ACBD5: variants seen among roughly 807,000 people sequenced by gnomAD.
ACBD5 encodes the protein acyl-CoA-binding domain-containing protein 5.
A neutral mutation model predicts 71.8 loss-of-function variants in ACBD5; 40 were observed. The observed-to-expected ratio is 0.56, with a 90% CI of 0.43 to 0.72. The LOEUF is 0.72. Among genes scored for constraint, ACBD5 ranks in the 30% least tolerant of loss-of-function variants. The pLI is 0.00. For missense variants in ACBD5, 559 were observed against 644.5 expected (o/e 0.87, Z 1.44); for synonymous variants, 229 against 218.6 (o/e 1.05, Z -0.42).
intron 3 of ACBD5, among the ~76,000 whole-genome samples, chr10:27,234,711 C>G (rs1250485007): frequency 6.6e-6 from 1 of 152,202 alleles, no homozygotes; most frequent in Non-Finnish European, 1.5e-5. Context: ...GTGGGCGGAC[C>G]ACCTGAACCC....
At chr10:27,214,801 T>C (rs2061450703) in intron 8 of ACBD5, among the ~76,000 whole-genome samples, 1 of 152,146 alleles carries the variant, frequency 6.6e-6, no homozygotes, top group Non-Finnish European at 1.5e-5. Flanking sequence ...ATCCCGGCAT[T>C]TTGGGAGGCT....
intron 4 of ACBD5, among the ~76,000 whole-genome samples, chr10:27,224,125 G>A (rs748082765): frequency 2.6e-4 from 39 of 151,634 alleles, no homozygotes; most frequent in East Asian, 2.5e-3. Context: ...CACTTTGGCA[G>A]GCCAAAGCAG....
Position 27,197,293 on chromosome 10 carries a change from T to C in ACBD5, c.*137A>G, listed in dbSNP as rs1411739840. ...AGTGCAAAATATATATGTGTATATA[T>C]GTACACAAACTAAACTACTGGACAA... On this transcript the variant is annotated 3_prime_UTR_variant, in exon 13 of 13. Coordinates refer to ENST00000396271, the MANE Select transcript of ACBD5 (RefSeq NM_145698.5). 2.5e-6 allele frequency: 2 copies of C among 802,392 alleles called. No individual in the cohort carries two copies. Among genetic ancestry groups the C allele is most frequent in the East Asian group, 2.7e-5 (1 of 37,682 alleles). The allele number at this position is 802,392 out of a possible 1,614,324, so 49.7% of individuals were successfully genotyped here.
At chr10:27,218,403 T>C (rs1441448502) in intron 6 of ACBD5, among the ~76,000 whole-genome samples, 1 of 152,204 alleles carries the variant, frequency 6.6e-6, no homozygotes, top group Admixed American at 6.5e-5. Context: ...CAGTTCCCTG[T>C]CAATCTTCTA....
chr10:27,215,473 T>C (rs1435745933), intron 8 of ACBD5, 62 bp downstream of exon 8: 1 of 1,062,652 alleles, frequency 9.4e-7, no homozygotes, highest in Non-Finnish European at 1.4e-6. Flanking sequence ...CTAACAGAAG[T>C]TACGCATTGA....
chr10:27,238,090 C>T (rs1413292794), intron 2 of ACBD5, among the ~76,000 whole-genome samples: 3 of 151,942 alleles, frequency 2.0e-5, no homozygotes, highest in Admixed American at 1.3e-4. Flanking sequence ...GGACTACAGG[C>T]GCCCACGACC....
intron 13 of ACBD5, among the ~76,000 whole-genome samples, chr10:27,185,701 C>T (rs1447696177): frequency 2.0e-5 from 3 of 149,410 alleles, no homozygotes; most frequent in East Asian, 4.0e-4. Flanking sequence ...GGCACGAGAA[C>T]CACTCAACCT....
intron 6 of ACBD5, among the ~76,000 whole-genome samples, chr10:27,219,216 G>A (rs1298355437): frequency 6.6e-6 from 1 of 151,902 alleles, no homozygotes; most frequent in Non-Finnish European, 1.5e-5. Context: ...GCAGGAAGAC[G>A]GCTTGAGGCT....
At chr10:27,228,183 C>T (rs1326882511) in intron 4 of ACBD5, among the ~76,000 whole-genome samples, 1 of 149,710 alleles carries the variant, frequency 6.7e-6, no homozygotes, top group Non-Finnish European at 1.5e-5. Context: ...GTACACCCAT[C>T]TCTTTTTAAA....
At chr10:27,203,770 TA>T (rs1218177727) in intron 12 of ACBD5, among the ~76,000 whole-genome samples, 2 of 151,410 alleles carry the variant, frequency 1.3e-5, no homozygotes, top group South Asian at 2.1e-4. Flanking sequence ...TAAAATAAAT[TA>T]AAAAAATAAA....
chr10:27,227,744 G>C (rs1047225267), intron 4 of ACBD5, among the ~76,000 whole-genome samples: 1 of 151,784 alleles, frequency 6.6e-6, no homozygotes, highest in Non-Finnish European at 1.5e-5. Context: ...ACAGAGTCTC[G>C]CTCTGTTGCT....
chr10:27,229,764 A>G (rs960414219), intron 4 of ACBD5, among the ~76,000 whole-genome samples: 10 of 152,204 alleles, frequency 6.6e-5, no homozygotes, highest in Admixed American at 5.9e-4. Flanking sequence ...CAAATTTTCA[A>G]TTTATGGATA....
chr10:27,223,287 T>C (rs1226771727), intron 5 of ACBD5, 51 bp downstream of exon 5: 2 of 1,292,922 alleles, frequency 1.5e-6, no homozygotes, highest in African/African-American at 2.9e-5. Context: ...AATATTAATA[T>C]GTGCATAATA....
chr10:27,239,266 C>T (rs59935135), intron 2 of ACBD5, among the ~76,000 whole-genome samples: 7,986 of 152,202 alleles, frequency 0.052, 554 homozygotes, highest in African/African-American at 0.16. Flanking sequence ...TTGAAAAGTA[C>T]GTCTTGCTTC....
At chr10:27,208,469 C>CT in intron 9 of ACBD5, 24 bp from the exon 10 acceptor site, 2 of 1,609,670 alleles carry the variant, frequency 1.2e-6, no homozygotes, top group South Asian at 2.2e-5. Context: ...CAAAAATAAG[C>CT]TTGTTTTAAA....
At chr10:27,237,811 G>C (rs927575292) in intron 2 of ACBD5, among the ~76,000 whole-genome samples, 1 of 151,646 alleles carries the variant, frequency 6.6e-6, no homozygotes, top group Non-Finnish European at 1.5e-5. Context: ...AGTAGAAGTG[G>C]GGTTTCACCA....
Position 27,240,710 on chromosome 10 carries a change from G to A in ACBD5, c.-22C>T, listed in dbSNP as rs2065391226. The A allele has an allele frequency of 3.2e-6, 5 of 1,550,352 alleles. No individual in the cohort carries two copies. Among genetic ancestry groups the A allele is most frequent in the South Asian group, 1.2e-5 (1 of 84,042 alleles). Reference sequence around the variant, plus strand: ...GCATGTCTAGCAGAAGACAGAGGGGGTCCGGGCATCGGTGGCCGCGGAGCC... The same window carrying A: ...GCATGTCTAGCAGAAGACAGAGGGGATCCGGGCATCGGTGGCCGCGGAGCC... On this transcript the variant is annotated 5_prime_UTR_variant, in exon 1 of 13. Coordinates refer to ENST00000396271, the MANE Select transcript of ACBD5 (RefSeq NM_145698.5). This position sits in a 1 kb window ranked among gnomAD's most constrained non-coding sequence, Gnocchi z 4.1.
chr10:27,186,327 G>C (rs1359837356), intron 13 of ACBD5: 8 of 1,510,202 alleles, frequency 5.3e-6, no homozygotes, highest in Non-Finnish European at 7.4e-6. Context: ...CTGTAAAGCA[G>C]TACTTACTTA....
intron 10 of ACBD5, among the ~76,000 whole-genome samples, chr10:27,205,974 C>T (rs112501671): frequency 0.04 from 6,034 of 152,102 alleles, 149 homozygotes; most frequent in African/African-American, 0.068. Context: ...CTGGTGAGAT[C>T]GTGGCTCACT....
Sources: gnomAD v4.1 joint callset for allele counts (sites outside exome capture counted in the v4.1 genomes callset) on GRCh38, gnomAD v4.1.1 for gene constraint, Gnocchi (gnomAD v3.1) non-coding constraint, MANE v1.5 for transcripts, NCBI Gene and HGNC (gene_info 2026-07-23, HGNC 2026-07-21) for gene names.